The following HTR2C variants were observed in gnomAD, a reference collection of about 807,000 sequenced individuals.
The protein encoded by HTR2C is 5-hydroxytryptamine (serotonin) receptor 2C, G protein-coupled.
Under a neutral mutation model 21.0 loss-of-function variants are expected in HTR2C, and 5 were observed. The observed-to-expected ratio is 0.24, with a 90% confidence interval of 0.12 to 0.50. HTR2C has a LOEUF of 0.50. Among genes scored for constraint, HTR2C ranks in the 20% least tolerant of loss-of-function variants. The pLI is 0.98. For synonymous variants in HTR2C, 150 were observed against 145.3 expected (o/e 1.03, Z -0.23); for missense variants, 271 against 371.2 (o/e 0.73, Z 2.22).
intron 4 of HTR2C, among the ~76,000 whole-genome samples, chrX:114,780,690 T>C (rs781898270): frequency 1.8e-5 from 2 of 111,678 alleles, no homozygotes; most frequent in South Asian, 7.5e-4. Context: ...TCTCAAGCTA[T>C]AAATTTTGTT....
chrX:114,750,699 A>G (rs782155924), intron 4 of HTR2C, among the ~76,000 whole-genome samples: 2 of 112,410 alleles, frequency 1.8e-5, no homozygotes, highest in South Asian at 7.2e-4. Flanking sequence ...AAGGACACAT[A>G]ATTCGTATAT....
At chrX:114,686,650 C>T (rs1175692897) in intron 2 of HTR2C, among the ~76,000 whole-genome samples, 1 of 110,339 alleles carries the variant, frequency 9.1e-6, no homozygotes, top group African/African-American at 3.3e-5. Context: ...GGAAATTTTA[C>T]CCATATTACT....
At chrX:114,857,176 C>T (rs2070969387) in intron 5 of HTR2C, among the ~76,000 whole-genome samples, 1 of 110,808 alleles carries the variant, frequency 9.0e-6, no homozygotes, top group African/African-American at 3.3e-5. Flanking sequence ...TCTTCATTTT[C>T]TGCTTTATCC....
At chrX:114,697,723 G>A (rs1932322168) in intron 2 of HTR2C, among the ~76,000 whole-genome samples, 2 of 112,064 alleles carry the variant, frequency 1.8e-5, no homozygotes, top group South Asian at 7.3e-4. Context: ...TTTTGCTTAA[G>A]CTATCATCCT....
At chrX:114,798,586 G>A (rs945175502) in intron 4 of HTR2C, among the ~76,000 whole-genome samples, 1 of 111,361 alleles carries the variant, frequency 9.0e-6, no homozygotes, top group Non-Finnish European at 1.9e-5. Flanking sequence ...ATAACTTAAC[G>A]GGATTTGACT....
At chrX:114,860,412 A>G (rs1274289621) in intron 5 of HTR2C, among the ~76,000 whole-genome samples, 1 of 110,680 alleles carries the variant, frequency 9.0e-6, no homozygotes, top group Non-Finnish European at 1.9e-5. Flanking sequence ...AATTTTTATG[A>G]TATATCAGCT....
intron 4 of HTR2C, among the ~76,000 whole-genome samples, chrX:114,748,934 A>G (rs1267270312): frequency 3.6e-5 from 4 of 111,841 alleles, no homozygotes; most frequent in African/African-American, 1.3e-4. Flanking sequence ...GATTGAGCCA[A>G]TGAAGAAAAG....
At chrX:114,792,163 A>G (rs1335572146) in intron 4 of HTR2C, among the ~76,000 whole-genome samples, 1 of 111,060 alleles carries the variant, frequency 9.0e-6, no homozygotes, top group Non-Finnish European at 1.9e-5. Context: ...AGAACGTGCA[A>G]GTTTGTTACA....
At chrX:114,835,699 C>G (rs1476812783) in intron 4 of HTR2C, among the ~76,000 whole-genome samples, 1 of 112,272 alleles carries the variant, frequency 8.9e-6, no homozygotes, top group Non-Finnish European at 1.9e-5. Flanking sequence ...GCCTTCTTCT[C>G]TCAGCTCATC....
intron 5 of HTR2C, among the ~76,000 whole-genome samples, chrX:114,849,151 C>T (rs1224831767): frequency 1.8e-5 from 2 of 112,009 alleles, no homozygotes; most frequent in Non-Finnish European, 3.8e-5. Flanking sequence ...AATAAAAAGT[C>T]GTGAAGCTTG....
rs1387983187 is a variant in HTR2C at position 114,784,371 on chromosome X, C to T, written c.349+52764C>T. 8.1e-5 allele frequency among the ~76,000 whole-genome samples: 9 copies of T among 111,327 alleles called. No homozygotes were observed. In the Admixed American group the frequency reaches 8.6e-4, roughly 11 times the overall value. ...AACATAACTTGACAATACTGGCAGT[C>T]GTAGCTTGTGAGGTCTTTCCAAGGA... On this transcript the variant is annotated intron_variant, in intron 4 of 5. Transcript: ENST00000276198.
chrX:114,805,459 TTTTA>T (rs1392167571), intron 4 of HTR2C, among the ~76,000 whole-genome samples: 1 of 100,856 alleles, frequency 9.9e-6, no homozygotes, highest in Non-Finnish European at 2.0e-5. Flanking sequence ...TGAAGCAAGA[TTTTA>T]TTTCTTTTAA....
At chrX:114,865,188 A>G (rs1179397589) in intron 5 of HTR2C, among the ~76,000 whole-genome samples, 2 of 111,419 alleles carry the variant, frequency 1.8e-5, no homozygotes, top group Admixed American at 1.9e-4. Flanking sequence ...GGCTTCTTTC[A>G]CTTAACATGA....
chrX:114,626,685 G>A (rs1312455961), intron 2 of HTR2C, among the ~76,000 whole-genome samples: 5 of 112,312 alleles, frequency 4.5e-5, no homozygotes, highest in Non-Finnish European at 9.4e-5. Flanking sequence ...TTAGAGAATT[G>A]ATTTATATTC....
intron 4 of HTR2C, among the ~76,000 whole-genome samples, chrX:114,748,369 G>A (rs2069725673): frequency 9.0e-6 from 1 of 111,264 alleles, no homozygotes; most frequent in South Asian, 3.8e-4. Context: ...CAACACAATT[G>A]CAACCAAAAC....
At chrX:114,666,024 A>AT (rs1238552353) in intron 2 of HTR2C, among the ~76,000 whole-genome samples, 1 of 111,565 alleles carries the variant, frequency 9.0e-6, no homozygotes, top group African/African-American at 3.3e-5. Context: ...CTTAAAATTT[A>AT]TTTTTTATCT....
At chrX:114,805,885 T>C (rs1324978169) in intron 4 of HTR2C, among the ~76,000 whole-genome samples, 1 of 97,598 alleles carries the variant, frequency 1.0e-5, no homozygotes, top group African/African-American at 3.7e-5. Flanking sequence ...ACACCATATG[T>C]ATACCATATA....
intron 4 of HTR2C, among the ~76,000 whole-genome samples, chrX:114,829,537 G>T (rs781919700): frequency 1.8e-5 from 2 of 110,781 alleles, no homozygotes; most frequent in South Asian, 7.6e-4. Context: ...TCATATCTAA[G>T]AAACCATTGC....
At chrX:114,792,919 T>A (rs1320987976) in intron 4 of HTR2C, among the ~76,000 whole-genome samples, 2 of 112,385 alleles carry the variant, frequency 1.8e-5, no homozygotes, top group East Asian at 2.8e-4. Context: ...ATATCTTCTT[T>A]TGAGAAGTGT....
Sources: gnomAD v4.1 joint callset for allele counts (sites outside exome capture counted in the v4.1 genomes callset) on GRCh38, gnomAD v4.1.1 for gene constraint, MANE v1.5 for transcripts, NCBI Gene and HGNC (gene_info 2026-07-23, HGNC 2026-07-21) for gene names.